DCAF6: variants seen among roughly 807,000 people sequenced by gnomAD.
DCAF6 encodes the protein DDB1- and CUL4-associated factor 6.
Under a neutral mutation model 125.1 loss-of-function variants are expected in DCAF6, and 54 were observed. The ratio of observed to expected loss-of-function variants is 0.43; its 90% confidence interval spans 0.35 to 0.54. DCAF6 has a LOEUF of 0.54. Ranked by LOEUF, DCAF6 falls within the 20% of genes least tolerant of loss-of-function variation. The pLI is 0.01. For missense variants in DCAF6, 934 were observed against 1,161.7 expected (o/e 0.80, Z 2.85); for synonymous variants, 371 against 390.4 (o/e 0.95, Z 0.58).
chr1:167,911,301 C>T, the DCAF6 span, among the ~76,000 whole-genome samples: 1 of 152,180 alleles, frequency 6.6e-6, no homozygotes, highest in Non-Finnish European at 1.5e-5. Flanking sequence ...AAAATTTATT[C>T]AAAGACCTGT....
At chr1:167,949,507 C>T (rs1673598760) in intron 1 of DCAF6, among the ~76,000 whole-genome samples, 1 of 152,140 alleles carries the variant, frequency 6.6e-6, no homozygotes, top group African/African-American at 2.4e-5. Flanking sequence ...GATTTAGGTT[C>T]CCCAAGTTCA....
At chr1:167,920,781 A>C in the DCAF6 span, 1 of 699,300 alleles carries the variant, frequency 1.4e-6, no homozygotes, top group Non-Finnish European at 2.2e-6. Flanking sequence ...AGATTACAAC[A>C]AAAAAAAAGC....
chr1:167,875,134 G>A, the DCAF6 span: 1 of 1,613,762 alleles, frequency 6.2e-7, no homozygotes, highest in Non-Finnish European at 8.5e-7. Flanking sequence ...TACCTACCCA[G>A]CAAAGGGTAA....
At chr1:168,047,076 C>G (rs1036693583) in intron 16 of DCAF6, among the ~76,000 whole-genome samples, 1 of 151,994 alleles carries the variant, frequency 6.6e-6, no homozygotes, top group African/African-American at 2.4e-5. Flanking sequence ...TTTGTATATT[C>G]TAGAGCTAAG....
the DCAF6 span, chr1:167,903,950 T>C: frequency 1.2e-6 from 2 of 1,614,112 alleles, no homozygotes; most frequent in Non-Finnish European, 8.5e-7. Context: ...CCTCTGTCCA[T>C]GTACATGGCA....
intron 10 of DCAF6, among the ~76,000 whole-genome samples, chr1:168,012,657 G>A (rs1411557250): frequency 6.6e-6 from 1 of 152,114 alleles, no homozygotes; most frequent in Non-Finnish European, 1.5e-5. Flanking sequence ...ATGTCTGGTT[G>A]AATTTTTTAA....
chr1:168,003,552 G>T (rs867430243), intron 8 of DCAF6, among the ~76,000 whole-genome samples: 1 of 152,066 alleles, frequency 6.6e-6, no homozygotes, highest in Non-Finnish European at 1.5e-5. Context: ...TCTTGGCTGG[G>T]TACTCTTAGA....
chr1:168,004,677 C>T lies in DCAF6; in HGVS notation c.1262C>T (p.Ala421Val), dbSNP rs1180640806. 4 of 1,614,000 alleles carry T rather than the reference C, an allele frequency of 2.5e-6. No homozygotes were observed. Among genetic ancestry groups the T allele is most frequent in the Non-Finnish European group, 3.4e-6 (4 of 1,179,942 alleles). ...PSTSSTMSAQ[A>V]HSTSSPTESP... ...ACATCCTCTACAATGTCAGCTCAGG[C>T]TCATTCGACATCATCTCCCACAGAA... The change falls in exon 10 of 22, where the codon GCT becomes GTT. Residue 421 changes from alanine to valine, a missense_variant. By Grantham distance (64) the Ala-to-Val change is moderately conservative. Transcript: ENST00000367840.
At position 168,056,788 on chromosome 1, in the gene DCAF6, A is replaced by C. The variant is rs573455637; in HGVS notation, c.2300+5855A>C. ...TAAGCCTATTTTGTGGAATACCTACAAAAATCCCAAGTTTTAGAAATGCTC... is the reference window on the plus strand; with the variant it reads ...TAAGCCTATTTTGTGGAATACCTACCAAAATCCCAAGTTTTAGAAATGCTC... On this transcript the variant is annotated intron_variant, in intron 17 of 21. Coordinates refer to ENST00000367840, the MANE Select transcript of DCAF6 (RefSeq NM_001198956.2). Among the ~76,000 whole-genome samples the C allele has an allele frequency of 7.7e-4, 117 of 152,370 alleles. 1 individual carries two copies. In the South Asian group the frequency reaches 0.022, roughly 29 times the overall value.
At chr1:167,905,769 G>A in the DCAF6 span, among the ~76,000 whole-genome samples, 7 of 151,800 alleles carry the variant, frequency 4.6e-5, no homozygotes, top group Admixed American at 3.9e-4. Context: ...TGTGGCAGCT[G>A]GAAAGATGGA....
the DCAF6 span, among the ~76,000 whole-genome samples, chr1:167,924,159 T>C: frequency 4.0e-3 from 615 of 152,264 alleles, 3 homozygotes; most frequent in Non-Finnish European, 7.4e-3. Context: ...TCATACTAAA[T>C]TAATAATAAA....
the DCAF6 span, among the ~76,000 whole-genome samples, chr1:167,863,878 G>A: frequency 6.6e-6 from 1 of 152,334 alleles, no homozygotes; most frequent in South Asian, 2.1e-4. Flanking sequence ...CCATTTGAGT[G>A]GAAGCATGGC....
At position 168,066,780 on chromosome 1, in the gene DCAF6, T is replaced by C. The variant is rs545280663; in HGVS notation, c.2685+315T>C. 2.6e-5 allele frequency among the ~76,000 whole-genome samples: 4 copies of C among 152,268 alleles called. No individual in the cohort carries two copies. In the East Asian group the frequency reaches 7.7e-4, roughly 29 times the overall value. The stretch of plus-strand genomic sequence containing the variant: ...ATCACACACAAAAAAATCTGTCCTT[T>C]TAAGAAAATAATTTTATTATAACTG... On this transcript the variant is annotated intron_variant, in intron 20 of 21. Transcript: ENST00000367840.
At chr1:167,945,163 C>G (rs1344421218) in intron 1 of DCAF6, among the ~76,000 whole-genome samples, 1 of 152,142 alleles carries the variant, frequency 6.6e-6, no homozygotes, top group Admixed American at 6.6e-5. Flanking sequence ...TGTGATGCCT[C>G]TAGCTTTATT....
Position 168,063,396 on chromosome 1 carries a change from T to A in DCAF6, c.2301-225T>A, listed in dbSNP as rs76865585. On this transcript the variant is annotated intron_variant, in intron 17 of 21. Coordinates refer to ENST00000367840, the MANE Select transcript of DCAF6 (RefSeq NM_001198956.2). ...GCTATTGCCTTTACTTTTCATCCAG[T>A]ACCAAATTTCTAAGTGATCTCTTAA... is the stretch of plus-strand genomic sequence containing the variant. Among the ~76,000 whole-genome samples, 1,460 of 152,284 alleles carry A rather than the reference T, an allele frequency of 9.6e-3. 19 individuals carry two copies. The highest frequency in any genetic ancestry group is 0.033 in the African/African-American group (1,376 of 41,554).
chr1:167,955,929 GTGTT>G (rs1413788223), intron 2 of DCAF6, among the ~76,000 whole-genome samples: 3 of 152,024 alleles, frequency 2.0e-5, no homozygotes, highest in Admixed American at 1.3e-4. Flanking sequence ...CCCAGCAAAT[GTGTT>G]TGTTTTTTGT....
the DCAF6 span, chr1:167,920,780 C>CA: frequency 8.1e-4 from 637 of 782,630 alleles, no homozygotes; most frequent in South Asian, 1.2e-3. Flanking sequence ...TAGATTACAA[C>CA]AAAAAAAAAG....
chr1:168,034,482 G>A (rs755102366), intron 12 of DCAF6, among the ~76,000 whole-genome samples: 14 of 152,324 alleles, frequency 9.2e-5, no homozygotes, highest in African/African-American at 2.9e-4. Flanking sequence ...CCACGCTACC[G>A]TGGGTGATAG....
chr1:167,922,947 A>G, the DCAF6 span, among the ~76,000 whole-genome samples: 1 of 152,226 alleles, frequency 6.6e-6, no homozygotes, highest in Admixed American at 6.5e-5. Flanking sequence ...TACAATAAGT[A>G]TATGTTCAGC....
Sources: allele counts gnomAD v4.1 joint callset (sites outside exome capture counted in the v4.1 genomes callset), GRCh38; gene constraint gnomAD v4.1.1; transcripts MANE v1.5; gene names NCBI Gene and HGNC (gene_info 2026-07-23, HGNC 2026-07-21).